PLA2G4E: variants seen among roughly 807,000 people sequenced by gnomAD.
PLA2G4E encodes the protein cytosolic phospholipase A2 epsilon.
Under a neutral mutation model 109.1 loss-of-function variants are expected in PLA2G4E, and 84 were observed. The ratio of observed to expected loss-of-function variants is 0.77; its 90% CI spans 0.65 to 0.92. PLA2G4E has a LOEUF of 0.92. Ranked by LOEUF, PLA2G4E falls within the 40% of genes least tolerant of loss-of-function variation. The probability of loss-of-function intolerance (pLI) is 0.00; values close to 1 mark genes in which losing one functional copy is unlikely to be tolerated. For synonymous variants in PLA2G4E, 469 were observed against 436.1 expected (o/e 1.08, Z -0.94); for missense variants, 1,057 against 1,076.6 (o/e 0.98, Z 0.25).
chr15:41,993,746 G>A (rs1334873865), intron 12 of PLA2G4E, among the ~76,000 whole-genome samples: 1 of 152,050 alleles, frequency 6.6e-6, no homozygotes. Flanking sequence ...AAGGAAACAG[G>A]GGCCTCCTCC....
At chr15:42,017,868 G>A (rs904927818) in intron 1 of PLA2G4E, among the ~76,000 whole-genome samples, 2 of 152,106 alleles carry the variant, frequency 1.3e-5, no homozygotes, top group African/African-American at 4.8e-5. Context: ...GAGCCATAAG[G>A]GTCTTTGGAG....
chr15:41,981,825 A>G (rs80304807), exon 20 of PLA2G4E: 7 of 152,362 alleles, frequency 4.6e-5, no homozygotes, highest in Non-Finnish European at 8.8e-5. Context: ...CCAGGTTAGC[A>G]TTACCTGGAT....
At chr15:42,037,648 A>T (rs1270580381) in intron 1 of PLA2G4E, among the ~76,000 whole-genome samples, 1 of 152,112 alleles carries the variant, frequency 6.6e-6, no homozygotes, top group Non-Finnish European at 1.5e-5. Flanking sequence ...CCCCTTGCTC[A>T]CTTCGTTGTG....
chr15:42,012,332 A>C (rs1165681062), intron 2 of PLA2G4E, among the ~76,000 whole-genome samples: 3 of 151,962 alleles, frequency 2.0e-5, no homozygotes, highest in African/African-American at 7.3e-5. Context: ...CCTCTGCCTC[A>C]CTTCCTGGTT....
At chr15:42,018,741 T>C (rs2068619900) in intron 1 of PLA2G4E, among the ~76,000 whole-genome samples, 1 of 152,124 alleles carries the variant, frequency 6.6e-6, no homozygotes, top group Non-Finnish European at 1.5e-5. Flanking sequence ...GCCTGGATTC[T>C]GGGGTTGATC....
At chr15:42,015,612 G>T (rs952171343) in intron 1 of PLA2G4E, among the ~76,000 whole-genome samples, 1 of 152,230 alleles carries the variant, frequency 6.6e-6, no homozygotes, top group African/African-American at 2.4e-5. Flanking sequence ...ATGCTGGGGG[G>T]CCAGGGGTGA....
chr15:42,045,291 G>A (rs1409695770), intron 1 of PLA2G4E, among the ~76,000 whole-genome samples: 1 of 152,190 alleles, frequency 6.6e-6, no homozygotes, highest in East Asian at 1.9e-4. Flanking sequence ...CACAGAGTAG[G>A]GCAAGCCCTG....
chr15:42,043,916 G>A (rs1889362753), intron 1 of PLA2G4E, among the ~76,000 whole-genome samples: 1 of 152,134 alleles, frequency 6.6e-6, no homozygotes. Context: ...TTAATAAATT[G>A]TCATGGTTAC....
chr15:42,022,767 G>A, intron 1 of PLA2G4E, among the ~76,000 whole-genome samples: 1 of 152,148 alleles, frequency 6.6e-6, no homozygotes. Context: ...TGTGTGGCCT[G>A]GTTCCAAACA....
chr15:42,027,881 C>G (rs1453918315), intron 1 of PLA2G4E, among the ~76,000 whole-genome samples: 1 of 66,928 alleles, frequency 1.5e-5, no homozygotes, highest in African/African-American at 5.5e-5. Context: ...CACCCTCCAC[C>G]TCTCATCTAC....
intron 1 of PLA2G4E, among the ~76,000 whole-genome samples, chr15:42,021,964 C>G (rs1224704239): frequency 6.6e-6 from 1 of 152,206 alleles, no homozygotes; most frequent in South Asian, 2.1e-4. Flanking sequence ...CGTGCCTGGC[C>G]TTCCAGAAAG....
intron 2 of PLA2G4E, among the ~76,000 whole-genome samples, chr15:42,008,644 C>T (rs2068501832): frequency 6.6e-6 from 1 of 152,232 alleles, no homozygotes; most frequent in Non-Finnish European, 1.5e-5. Context: ...AGTCTTCCAC[C>T]TGGAGCAACA....
chr15:41,997,054 G>T (rs1313530104), intron 11 of PLA2G4E, 70 bp downstream of exon 11: 15 of 1,457,636 alleles, frequency 1.0e-5, no homozygotes, highest in African/African-American at 1.4e-5. Flanking sequence ...GCAGGGCCTG[G>T]GTTGGCTGGG....
intron 1 of PLA2G4E, among the ~76,000 whole-genome samples, chr15:42,034,727 ATC>A (rs1889178103): frequency 6.6e-6 from 1 of 152,202 alleles, no homozygotes; most frequent in African/African-American, 2.4e-5. Context: ...ATTGGTGGCC[ATC>A]TTTGTCACCA....
In PLA2G4E at chr15:42,035,805, A is replaced by G. The variant is rs150526424; in HGVS notation, c.183+14716T>C. ...GTATCCATTTTATTATTCTCTATAC[A>G]TTTTGTATATCGTATATATTGCTTT... On this transcript the variant is annotated intron_variant, in intron 1 of 19. Coordinates refer to ENST00000399518, the Ensembl canonical transcript of PLA2G4E. Among the ~76,000 whole-genome samples the G allele has an allele frequency of 1.7e-3, 258 of 152,196 alleles. 1 individual carries two copies. The highest frequency in any genetic ancestry group is 5.9e-3 in the African/African-American group (243 of 41,520).
chr15:42,003,757 C>T (rs554511665), intron 5 of PLA2G4E, among the ~76,000 whole-genome samples: 1 of 152,360 alleles, frequency 6.6e-6, no homozygotes, highest in East Asian at 1.9e-4. Flanking sequence ...TTCCCGGGCT[C>T]ATCACAAGCA....
At position 42,007,718 on chromosome 15, in the gene PLA2G4E, C is replaced by T. The variant is rs1350995645; in HGVS notation, c.393+11G>A. ...AGACAGGGAAGACAGGTGCAGTCCT[C>T]CATGTCTCACCTTCACTCGGCTCTG... On this transcript the variant is annotated intron_variant, in intron 3 of 19. Coordinates refer to ENST00000399518, the Ensembl canonical transcript of PLA2G4E. The T allele has an allele frequency of 6.2e-7, 1 of 1,610,136 alleles. No individual in the cohort carries two copies.
intron 12 of PLA2G4E, among the ~76,000 whole-genome samples, chr15:41,993,406 A>C (rs1325674047): frequency 6.6e-6 from 1 of 152,222 alleles, no homozygotes; most frequent in African/African-American, 2.4e-5. Context: ...GGGTAGCTAG[A>C]ACAGTGCATG....
At chr15:42,015,871 G>A (rs1265524510) in intron 1 of PLA2G4E, among the ~76,000 whole-genome samples, 1 of 152,228 alleles carries the variant, frequency 6.6e-6, no homozygotes, top group African/African-American at 2.4e-5. Flanking sequence ...CCTCGCACGG[G>A]TTCTCTTCAG....
Sources: allele counts gnomAD v4.1 joint callset (sites outside exome capture counted in the v4.1 genomes callset), GRCh38; gene constraint gnomAD v4.1.1; transcripts MANE v1.5; gene names NCBI Gene and HGNC (gene_info 2026-07-23, HGNC 2026-07-21).